The following MTMR2 variants were observed in gnomAD, a reference collection of about 807,000 sequenced individuals.
MTMR2 encodes phosphatidylinositol-3,5-bisphosphate 3-phosphatase MTMR2.
Under a neutral mutation model 86.9 loss-of-function variants are expected in MTMR2, and 55 were observed. The observed-to-expected ratio is 0.63, with a 90% CI of 0.51 to 0.79. The LOEUF is 0.79. MTMR2 is among the 30% of genes least tolerant of loss of function. The probability of loss-of-function intolerance (pLI) is 0.00; values close to 1 mark genes in which losing one functional copy is unlikely to be tolerated. For synonymous variants in MTMR2, 241 were observed against 266.8 expected, an observed-to-expected ratio of 0.90 and a Z score of 0.94; for missense variants, 659 against 772.3, an observed-to-expected ratio of 0.85 and a Z score of 1.74.
chr11:95,890,919 T>C (rs974910274), intron 1 of MTMR2, among the ~76,000 whole-genome samples: 2 of 152,048 alleles, frequency 1.3e-5, no homozygotes, highest in African/African-American at 4.8e-5. Flanking sequence ...TAAATGAACT[T>C]AAATTTTTTA....
At chr11:95,851,601 A>C (rs1590986318) in intron 7 of MTMR2, among the ~76,000 whole-genome samples, 1 of 152,112 alleles carries the variant, frequency 6.6e-6, no homozygotes, top group East Asian at 1.9e-4. Flanking sequence ...ACCTCAGGTG[A>C]TCCGCCTGCC....
chr11:95,877,281 C>T (rs693062), intron 2 of MTMR2, among the ~76,000 whole-genome samples: 1,886 of 131,040 alleles, frequency 0.014, 37 homozygotes, highest in African/African-American at 0.052. Context: ...TGGGATAGAT[C>T]TTAGTGGTTA....
intron 1 of MTMR2, among the ~76,000 whole-genome samples, chr11:95,895,234 A>G (rs937134557): frequency 8.5e-5 from 13 of 152,182 alleles, no homozygotes; most frequent in African/African-American, 3.1e-4. Context: ...AAGTTGAACC[A>G]TTTGAAATTG....
chr11:95,834,780 A>G lies in MTMR2; in HGVS notation c.*510T>C, dbSNP rs1863180889. On this transcript the variant is annotated 3_prime_UTR_variant, in exon 15 of 15. Coordinates refer to ENST00000346299, the MANE Select transcript of MTMR2 (RefSeq NM_016156.6). The stretch of plus-strand genomic sequence containing the variant: ...CTATATGAAGAATATGGAAGTTGAA[A>G]AGTGATCAAGGTAAATCAGTTACTG... 1 of 165,006 alleles carries G rather than the reference A, an allele frequency of 6.1e-6. No individual in the cohort carries two copies. Among genetic ancestry groups the G allele is most frequent in the Non-Finnish European group, 1.3e-5 (1 of 74,620 alleles). 10.2% of individuals were successfully genotyped at this position (165,006 alleles called of 1,614,324 possible). A position where few individuals can be genotyped will look rare whatever the true frequency, so the allele number is the denominator to read the frequency against.
intron 2 of MTMR2, among the ~76,000 whole-genome samples, chr11:95,885,975 G>A (rs1442030901): frequency 1.3e-5 from 2 of 152,032 alleles, no homozygotes; most frequent in African/African-American, 2.4e-5. Context: ...TGAGTAAAAT[G>A]TCACATGGTC....
chr11:95,891,423 C>A (rs1865708157), intron 1 of MTMR2, among the ~76,000 whole-genome samples: 1 of 151,324 alleles, frequency 6.6e-6, no homozygotes, highest in African/African-American at 2.4e-5. Context: ...TGCACTCCAG[C>A]CTGGGCAACA....
intron 1 of MTMR2, among the ~76,000 whole-genome samples, chr11:95,907,493 A>T (rs182020457): frequency 7.6e-4 from 115 of 152,214 alleles, no homozygotes; most frequent in Non-Finnish European, 1.3e-3. Context: ...AATGAGGAGG[A>T]AGGACTCCCT....
At chr11:95,837,766 G>A (rs1332626892) in intron 13 of MTMR2, among the ~76,000 whole-genome samples, 1 of 151,934 alleles carries the variant, frequency 6.6e-6, no homozygotes, top group Non-Finnish European at 1.5e-5. Flanking sequence ...AAATTTTTCT[G>A]CACCTGCTGT....
At position 95,849,043 on chromosome 11, in the gene MTMR2, A is replaced by C. The variant is rs140146084; in HGVS notation, c.993+631T>G. ...TTGTGAATATACTAAAAGCACTGAA[A>C]TGTACACTTGAAAAGATGAGCGCTT... On this transcript the variant is annotated intron_variant, in intron 9 of 14. Coordinates refer to ENST00000346299, the MANE Select transcript of MTMR2 (RefSeq NM_016156.6). Among the ~76,000 whole-genome samples, 84 of 152,302 alleles carry C rather than the reference A, an allele frequency of 5.5e-4. 2 individuals are homozygous for C. The highest frequency in any genetic ancestry group is 6.8e-3 in the Middle Eastern group (2 of 294).
chr11:95,875,680 C>T (rs961724221), intron 2 of MTMR2, among the ~76,000 whole-genome samples: 1 of 152,072 alleles, frequency 6.6e-6, no homozygotes, highest in Non-Finnish European at 1.5e-5. Context: ...GCTCTTCTGA[C>T]TTTTAGAGTT....
chr11:95,856,710 A>T (rs1269570247), intron 7 of MTMR2, among the ~76,000 whole-genome samples: 1 of 152,034 alleles, frequency 6.6e-6, no homozygotes, highest in Admixed American at 6.6e-5. Context: ...ATTTTTTTTC[A>T]GTAATAATTT....
intron 5 of MTMR2, 39 bp from the exon 6 acceptor site, chr11:95,858,671 T>C: frequency 1.6e-6 from 2 of 1,256,400 alleles, no homozygotes; most frequent in South Asian, 1.2e-5. Context: ...AATTGTTCAC[T>C]ACTTACTTAA....
intron 3 of MTMR2, among the ~76,000 whole-genome samples, chr11:95,863,271 T>C (rs1000548371): frequency 1.1e-4 from 17 of 152,186 alleles, no homozygotes; most frequent in African/African-American, 4.1e-4. Context: ...TTCAACGGGC[T>C]TCTGGGAAAA....
intron 2 of MTMR2, among the ~76,000 whole-genome samples, chr11:95,885,256 TA>T (rs1865475945): frequency 6.6e-6 from 1 of 152,134 alleles, no homozygotes; most frequent in Non-Finnish European, 1.5e-5. Context: ...CTCCAGATTG[TA>T]CATTTGCAAA....
chr11:95,902,400 T>C (rs1391403638), intron 1 of MTMR2, among the ~76,000 whole-genome samples: 2 of 152,172 alleles, frequency 1.3e-5, no homozygotes, highest in Non-Finnish European at 2.9e-5. Flanking sequence ...AAGCCCCAGA[T>C]TGTGAGTGTC....
At chr11:95,923,645 G>A (rs1263113635) in intron 1 of MTMR2, 1 of 1,378,818 alleles carries the variant, frequency 7.3e-7, no homozygotes, top group Non-Finnish European at 9.4e-7. Context: ...AAACGAGATC[G>A]GAATATGAAA....
chr11:95,888,686 T>G (rs1438064673), intron 1 of MTMR2, among the ~76,000 whole-genome samples: 6 of 151,732 alleles, frequency 4.0e-5, no homozygotes, highest in Admixed American at 2.0e-4. Flanking sequence ...GGTGCAGTGT[T>G]ATGACTCTAA....
chr11:95,884,399 G>C (rs976496223), intron 2 of MTMR2, among the ~76,000 whole-genome samples: 1 of 151,996 alleles, frequency 6.6e-6, no homozygotes, highest in African/African-American at 2.4e-5. Context: ...ATCTCACTTA[G>C]CATTTAAAAA....
intron 1 of MTMR2, among the ~76,000 whole-genome samples, chr11:95,897,882 T>A (rs552520001): frequency 2.0e-5 from 3 of 152,186 alleles, no homozygotes; most frequent in African/African-American, 7.2e-5. Context: ...CGTTTACAAG[T>A]CTTCTTAGTC....
Sources: gnomAD v4.1 joint callset for allele counts (sites outside exome capture counted in the v4.1 genomes callset) on GRCh38, gnomAD v4.1.1 for gene constraint, MANE v1.5 for transcripts, NCBI Gene and HGNC (gene_info 2026-07-23, HGNC 2026-07-21) for gene names.